The following MECOM variants were observed in gnomAD, a reference collection of about 807,000 sequenced individuals.
MECOM encodes histone-lysine N-methyltransferase MECOM.
Under a neutral mutation model 116.3 loss-of-function variants are expected in MECOM, and 13 were observed. The ratio of observed to expected loss-of-function variants is 0.11; its 90% CI spans 0.07 to 0.18. The LOEUF is 0.18. Ranked by LOEUF, MECOM falls within the 10% of genes least tolerant of loss-of-function variation. The pLI is 1.00. For synonymous variants in MECOM, 528 were observed against 535.2 expected (o/e 0.99, Z 0.19); for missense variants, 1,299 against 1,509.0 (o/e 0.86, Z 2.31).
intron 1 of MECOM, among the ~76,000 whole-genome samples, chr3:169,500,156 A>G (rs1560360745): frequency 6.6e-6 from 1 of 152,114 alleles, no homozygotes; most frequent in Non-Finnish European, 1.5e-5. Flanking sequence ...AAGCCTATTT[A>G]TTAGATCATA....
chr3:169,435,278 A>T (rs1252568118), intron 1 of MECOM, among the ~76,000 whole-genome samples: 4 of 152,164 alleles, frequency 2.6e-5, no homozygotes, highest in Non-Finnish European at 5.9e-5. Flanking sequence ...ATTAACAGGG[A>T]AAACATTTGT....
At chr3:169,109,496 C>A (rs1298793468) in intron 9 of MECOM, among the ~76,000 whole-genome samples, 1 of 151,736 alleles carries the variant, frequency 6.6e-6, no homozygotes, top group Non-Finnish European at 1.5e-5. Flanking sequence ...CTCACTGCAA[C>A]CTCCACCTCC....
At chr3:169,240,692 T>C (rs1182067786) in intron 2 of MECOM, among the ~76,000 whole-genome samples, 1 of 152,096 alleles carries the variant, frequency 6.6e-6, no homozygotes, top group Non-Finnish European at 1.5e-5. Context: ...ATCCATAAAG[T>C]CATGAAATGG....
chr3:169,540,161 C>A (rs1001507265), intron 1 of MECOM, among the ~76,000 whole-genome samples: 3 of 152,194 alleles, frequency 2.0e-5, no homozygotes, highest in Admixed American at 6.5e-5. Flanking sequence ...GTTCTGTAGG[C>A]ACCTAAAAGG....
intron 1 of MECOM, among the ~76,000 whole-genome samples, chr3:169,653,772 G>C (rs541490871): frequency 2.7e-4 from 41 of 152,276 alleles, no homozygotes; most frequent in African/African-American, 9.4e-4. Flanking sequence ...CTCACATGAG[G>C]TAAGTACCTC....
chr3:169,128,205 C>A, intron 4 of MECOM, 145 bp from the exon 5 acceptor site: 1 of 716,018 alleles, frequency 1.4e-6, no homozygotes, highest in Admixed American at 2.3e-5. Context: ...TTAGAAATAT[C>A]ATATGTAAAG....
At chr3:169,643,532 C>A (rs1773764264) in intron 1 of MECOM, among the ~76,000 whole-genome samples, 1 of 152,164 alleles carries the variant, frequency 6.6e-6, no homozygotes, top group Admixed American at 6.5e-5. Context: ...TGTGAATGAG[C>A]ACAAACCAAT....
At chr3:169,253,391 C>CTTTTTTTTTTT (rs11434116) in intron 2 of MECOM, among the ~76,000 whole-genome samples, 1 of 144,738 alleles carries the variant, frequency 6.9e-6, no homozygotes, top group Non-Finnish European at 1.5e-5. Flanking sequence ...CTGTTTAGTT[C>CTTTTTTTTTTT]TTTTTTTTTT....
intron 2 of MECOM, among the ~76,000 whole-genome samples, chr3:169,338,189 C>A (rs1001952955): frequency 6.6e-6 from 1 of 152,188 alleles, no homozygotes; most frequent in African/African-American, 2.4e-5. Flanking sequence ...TGCCAGGAAC[C>A]TGGCCCTCCT....
At chr3:169,392,443 G>A (rs1335923196) in intron 1 of MECOM, among the ~76,000 whole-genome samples, 1 of 152,102 alleles carries the variant, frequency 6.6e-6, no homozygotes. Flanking sequence ...AAGTGTTGAG[G>A]TGATAATCTT....
chr3:169,430,412 T>C (rs1741424377), intron 1 of MECOM, among the ~76,000 whole-genome samples: 1 of 152,208 alleles, frequency 6.6e-6, no homozygotes, highest in African/African-American at 2.4e-5. Flanking sequence ...ATTGTGATTT[T>C]ATCATTTTCA....
chr3:169,089,133 C>A lies in MECOM; in HGVS notation c.3452G>T (p.Arg1151Met). 1 of 1,598,402 alleles carries A rather than the reference C, an allele frequency of 6.3e-7. No homozygotes were observed. The highest frequency in any genetic ancestry group is 1.1e-5 in the South Asian group (1 of 88,506). The change falls in exon 16 of 17, where the codon AGG (arginine) becomes ATG (methionine). Residue 1151 changes from arginine to methionine, a missense_variant. Transcript: ENST00000651503. ...CATTTTGAGGCTATCTGTGAAGTGC[C>A]TTATATGATCTAGAGCAGAAAGTCC... ...KSGLSALDHI[R>M]HFTDSLKMRK...
intron 2 of MECOM, among the ~76,000 whole-genome samples, chr3:169,288,820 T>C (rs1179722572): frequency 6.6e-6 from 1 of 152,228 alleles, no homozygotes; most frequent in East Asian, 1.9e-4. Context: ...ACCTGTGTTA[T>C]CCTCAATCAC....
intron 1 of MECOM, among the ~76,000 whole-genome samples, chr3:169,399,299 G>C (rs1471724965): frequency 6.6e-6 from 1 of 152,126 alleles, no homozygotes; most frequent in Non-Finnish European, 1.5e-5. Context: ...TTTGAAAGCT[G>C]TACTTTGTAC....
At chr3:169,616,866 T>C (rs961157828) in intron 1 of MECOM, among the ~76,000 whole-genome samples, 10 of 152,232 alleles carry the variant, frequency 6.6e-5, no homozygotes, top group Non-Finnish European at 4.4e-5. Flanking sequence ...TTGTTGAACC[T>C]TAGATGCATA....
intron 2 of MECOM, among the ~76,000 whole-genome samples, chr3:169,184,887 A>T (rs1441156720): frequency 1.3e-5 from 2 of 152,356 alleles, no homozygotes; most frequent in Admixed American, 1.3e-4. Context: ...TGAATTAAGC[A>T]GAATCAAGAA....
intron 2 of MECOM, among the ~76,000 whole-genome samples, chr3:169,344,916 T>C (rs1304691180): frequency 6.6e-6 from 1 of 152,178 alleles, no homozygotes; most frequent in East Asian, 1.9e-4. Context: ...AGTTTGCTAC[T>C]GATCTGCTAC....
intron 1 of MECOM, among the ~76,000 whole-genome samples, chr3:169,481,664 CTGTGTG>C (rs5854335): frequency 1.7e-4 from 25 of 151,060 alleles, no homozygotes; most frequent in African/African-American, 4.6e-4. Flanking sequence ...AGTGACAAAT[CTGTGTG>C]TGTGTGTGTG....
At chr3:169,593,046 T>C (rs188542416) in intron 1 of MECOM, among the ~76,000 whole-genome samples, 2 of 152,326 alleles carry the variant, frequency 1.3e-5, no homozygotes, top group Admixed American at 6.5e-5. Context: ...TAAATGCTGA[T>C]AGAATTTTTT....
Sources: gnomAD v4.1 joint callset for allele counts (sites outside exome capture counted in the v4.1 genomes callset) on GRCh38, gnomAD v4.1.1 for gene constraint, MANE v1.5 for transcripts, NCBI Gene and HGNC (gene_info 2026-07-23, HGNC 2026-07-21) for gene names.